CD48: variants seen among roughly 807,000 people sequenced by gnomAD.
CD48 encodes the protein CD48 molecule, also known as CD48 antigen.
CD48 carries 20 observed loss-of-function variants against 22.0 expected under a neutral mutation model. The observed-to-expected ratio is 0.91, with a 90% CI of 0.64 to 1.32. CD48 has a LOEUF of 1.32. Ranked by LOEUF, CD48 falls within the 40% of genes most tolerant of loss-of-function variation. The pLI is 0.00. For synonymous variants in CD48, 110 were observed against 110.1 expected, an observed-to-expected ratio of 1.00 and a Z score of 0.01; for missense variants, 307 against 286.5, an observed-to-expected ratio of 1.07 and a Z score of -0.52.
chr1:160,710,749 G>T (rs1227486536), intron 1 of CD48, among the ~76,000 whole-genome samples: 1 of 152,108 alleles, frequency 6.6e-6, no homozygotes, highest in African/African-American at 2.4e-5. Context: ...CTACCTGAGA[G>T]GTAGAATATG....
chr1:160,701,582 T>A (rs1662631639), intron 1 of CD48, among the ~76,000 whole-genome samples: 1 of 152,138 alleles, frequency 6.6e-6, no homozygotes, highest in African/African-American at 2.4e-5. Flanking sequence ...GAACAAACCT[T>A]ATATTTTCCA....
rs1432229548 is a variant in CD48 at position 160,711,809 on chromosome 1, C to T, written c.-46G>A. The T allele has an allele frequency of 1.4e-6, 2 of 1,450,356 alleles. No homozygotes were observed. Among genetic ancestry groups the T allele is most frequent in the Non-Finnish European group, 1.9e-6 (2 of 1,034,572 alleles). 89.8% of individuals were successfully genotyped at this position (1,450,356 alleles called of 1,614,324 possible). Reference sequence around the variant, plus strand: ...AGCAACGCAGGAGACAGTTGAGAGCCTGGCTAGAAAAAGGCCGGGGCTAAA... The same window carrying T: ...AGCAACGCAGGAGACAGTTGAGAGCTTGGCTAGAAAAAGGCCGGGGCTAAA... On this transcript the variant is annotated 5_prime_UTR_variant, in exon 1 of 4. Transcript: ENST00000368046.
At chr1:160,682,599 G>C (rs970276351) in intron 2 of CD48, among the ~76,000 whole-genome samples, 2 of 152,054 alleles carry the variant, frequency 1.3e-5, no homozygotes, top group Non-Finnish European at 2.9e-5. Flanking sequence ...GACCAGCCTG[G>C]GTCCTGGACT....
At chr1:160,681,493 G>T (rs182578868) in intron 2 of CD48, 25 bp from the exon 3 acceptor site, 1 of 1,608,426 alleles carries the variant, frequency 6.2e-7, no homozygotes, top group Non-Finnish European at 8.5e-7. Context: ...GATGTTATAA[G>T]ATGAGACAGT....
intron 1 of CD48, among the ~76,000 whole-genome samples, chr1:160,708,150 T>C (rs986198799): frequency 6.6e-6 from 1 of 152,166 alleles, no homozygotes; most frequent in Non-Finnish European, 1.5e-5. Flanking sequence ...AGATGACGAC[T>C]GGGGGTAGTG....
intron 1 of CD48, among the ~76,000 whole-genome samples, chr1:160,688,280 C>A (rs1662073612): frequency 6.6e-6 from 1 of 152,152 alleles, no homozygotes. Flanking sequence ...AAAGTGAAAA[C>A]AAATCTCTTA....
chr1:160,685,024 C>T lies in CD48; in HGVS notation c.248G>A (p.Gly83Asp). Residue 83 changes from glycine (G) to aspartate (D), a missense_variant, in exon 2 of 4, where the codon GGC becomes GAC. By Grantham distance (94) the Gly-to-Asp change is moderately conservative. Transcript: ENST00000368046. The stretch of plus-strand genomic sequence containing the variant: ...ACTCTGAGGATCAAGTCTGACCCTG[C>T]CTTTAAATTTGGATTCAAAGTACTT... ...KSKYFESKFK[G>D]RVRLDPQSGA... The T allele has an allele frequency of 6.2e-7, 1 of 1,614,178 alleles. No individual in the cohort carries two copies. The highest frequency in any genetic ancestry group is 1.7e-5 in the Admixed American group (1 of 60,028).
At chr1:160,693,348 G>A (rs1397920680) in intron 1 of CD48, among the ~76,000 whole-genome samples, 1 of 152,260 alleles carries the variant, frequency 6.6e-6, no homozygotes, top group Non-Finnish European at 1.5e-5. Context: ...AATCCTGAGT[G>A]TCAATCAGCC....
Position 160,684,949 on chromosome 1 carries a change from A to G in CD48, c.323T>C (p.Ile108Thr). The G allele has an allele frequency of 6.2e-7, 1 of 1,614,040 alleles. No individual in the cohort carries two copies. Among genetic ancestry groups the G allele is most frequent in the Non-Finnish European group, 8.5e-7 (1 of 1,180,008 alleles). Residue 108 changes from isoleucine to threonine, a missense_variant, in exon 2 of 4, where the codon ATC becomes ACC. By Grantham distance (89) the Ile-to-Thr change is moderately conservative (BLOSUM62 -1). Transcript: ENST00000368046. Reference protein sequence around the residue: ...KVQKEDNSTYIMRVLKKTGNE... With the variant: ...KVQKEDNSTYTMRVLKKTGNE... ...CCCAGTCTTTTTCAACACCCTCATG[A>G]TGTAGGTGCTGTTGTCCTCTTTCTG...
Position 160,701,922 on chromosome 1 carries a change from C to T in CD48, c.82+9760G>A, listed in dbSNP as rs555045948. ...TTGAATGTGTATGATGCAGGTGGGCCGTTGTTTAGAAATTACATTAATCCA... is the reference window on the plus strand; with the variant it reads ...TTGAATGTGTATGATGCAGGTGGGCTGTTGTTTAGAAATTACATTAATCCA... On this transcript the variant is annotated intron_variant, in intron 1 of 3. Transcript: ENST00000368046. 8.7e-4 allele frequency among the ~76,000 whole-genome samples: 133 copies of T among 152,178 alleles called. 2 individuals are homozygous for T. The highest frequency in any genetic ancestry group is 1.3e-3 in the Non-Finnish European group (89 of 68,002).
intron 1 of CD48, among the ~76,000 whole-genome samples, chr1:160,700,544 C>T (rs1662594502): frequency 6.6e-6 from 1 of 152,130 alleles, no homozygotes; most frequent in Non-Finnish European, 1.5e-5. Context: ...GAAGCAAAAA[C>T]TAGAAGCTGA....
intron 1 of CD48, among the ~76,000 whole-genome samples, chr1:160,703,549 A>G (rs558017666): frequency 3.9e-5 from 6 of 152,278 alleles, no homozygotes; most frequent in Admixed American, 2.6e-4. Context: ...TATCTATGGT[A>G]CATGCAGCAA....
At chr1:160,692,864 C>T (rs1004259256) in intron 1 of CD48, among the ~76,000 whole-genome samples, 4 of 152,112 alleles carry the variant, frequency 2.6e-5, no homozygotes, top group African/African-American at 9.7e-5. Context: ...ACAGTATGGA[C>T]CCAACTCCCC....
At chr1:160,698,332 G>A (rs1212663650) in intron 1 of CD48, among the ~76,000 whole-genome samples, 1 of 152,096 alleles carries the variant, frequency 6.6e-6, no homozygotes, top group Non-Finnish European at 1.5e-5. Flanking sequence ...GGGAGGCCTC[G>A]CCATCCATCC....
intron 1 of CD48, among the ~76,000 whole-genome samples, chr1:160,701,985 C>T (rs1201417247): frequency 6.6e-6 from 1 of 152,146 alleles, no homozygotes; most frequent in African/African-American, 2.4e-5. Context: ...TATCCCAGGG[C>T]CACATGTCTT....
At chr1:160,710,208 C>T (rs1662908273) in intron 1 of CD48, among the ~76,000 whole-genome samples, 1 of 152,176 alleles carries the variant, frequency 6.6e-6, no homozygotes, top group African/African-American at 2.4e-5. Flanking sequence ...GGAAGTTAGA[C>T]CTGTGTGCCC....
intron 1 of CD48, among the ~76,000 whole-genome samples, chr1:160,687,933 T>C: frequency 6.6e-6 from 1 of 152,214 alleles, no homozygotes. Flanking sequence ...AATTATCTTC[T>C]CTACCTAGAA....
intron 1 of CD48, among the ~76,000 whole-genome samples, chr1:160,700,207 C>T (rs1662582981): frequency 1.3e-5 from 2 of 152,242 alleles, no homozygotes; most frequent in South Asian, 4.1e-4. Context: ...TTTGGTTAAT[C>T]GAGGAACCAC....
intron 1 of CD48, among the ~76,000 whole-genome samples, chr1:160,709,542 G>A (rs1269279116): frequency 6.6e-6 from 1 of 152,144 alleles, no homozygotes; most frequent in African/African-American, 2.4e-5. Flanking sequence ...ACTTCATCCT[G>A]CTAAGTGTTG....
Sources: gnomAD v4.1 joint callset for allele counts (sites outside exome capture counted in the v4.1 genomes callset) on GRCh38, gnomAD v4.1.1 for gene constraint, MANE v1.5 for transcripts, NCBI Gene and HGNC (gene_info 2026-07-23, HGNC 2026-07-21) for gene names.